Variants in MAGI2 observed in about 807,000 individuals in gnomAD.
The protein encoded by MAGI2 is membrane associated guanylate kinase, WW and PDZ domain containing 2, also known as membrane-associated guanylate kinase, WW and PDZ domain-containing protein 2.
A neutral mutation model predicts 133.3 loss-of-function variants in MAGI2; 35 were observed. That is an observed-to-expected ratio of 0.26 (90% CI 0.20 to 0.35). The LOEUF is 0.35. Among genes scored for constraint, MAGI2 ranks in the 10% least tolerant of loss-of-function variants. MAGI2 has a pLI of 1.00. For missense variants in MAGI2, 1,636 were observed against 1,863.4 expected (o/e 0.88, Z 2.25); for synonymous variants, 729 against 710.6 (o/e 1.03, Z -0.41).
intron 1 of MAGI2, among the ~76,000 whole-genome samples, chr7:79,253,583 C>G (rs1833481149): frequency 6.6e-6 from 1 of 151,996 alleles, no homozygotes; most frequent in South Asian, 2.1e-4. Flanking sequence ...GCCGAGGTTT[C>G]AGTGAGCCAA....
chr7:78,222,105 G>T (rs79859525), intron 10 of MAGI2, among the ~76,000 whole-genome samples: 1,603 of 152,082 alleles, frequency 0.011, 22 homozygotes, highest in African/African-American at 0.037. Flanking sequence ...ACATTCAGGA[G>T]AGATGAGAGG....
chr7:78,929,886 C>CA (rs1273418861), intron 2 of MAGI2, among the ~76,000 whole-genome samples: 3 of 152,030 alleles, frequency 2.0e-5, no homozygotes, highest in African/African-American at 7.2e-5. Flanking sequence ...ACCTTCTAAA[C>CA]ATATGCCTAC....
At chr7:78,614,726 T>C (rs1806883861) in intron 3 of MAGI2, 2 of 152,168 alleles carry the variant, frequency 1.3e-5, no homozygotes, top group South Asian at 2.1e-4. Context: ...TATAATAAAT[T>C]GTTTCCAAAT....
intron 1 of MAGI2, among the ~76,000 whole-genome samples, chr7:79,215,347 C>T (rs1185495521): frequency 6.6e-6 from 1 of 151,996 alleles, no homozygotes; most frequent in Non-Finnish European, 1.5e-5. Flanking sequence ...AGGGGGAAAT[C>T]TACATTTCAT....
At chr7:79,426,202 T>C (rs1198409648) in intron 1 of MAGI2, among the ~76,000 whole-genome samples, 2 of 152,170 alleles carry the variant, frequency 1.3e-5, no homozygotes, top group African/African-American at 4.8e-5. Flanking sequence ...ATTAGATTAA[T>C]TGAGCATTCA....
At chr7:78,946,900 A>C (rs1255477878) in intron 2 of MAGI2, 1 of 152,106 alleles carries the variant, frequency 6.6e-6, no homozygotes, top group Non-Finnish European at 1.5e-5. Flanking sequence ...GGATTCTAAA[A>C]ATCCATCTAG....
At chr7:78,907,801 A>G (rs150343185) in intron 2 of MAGI2, among the ~76,000 whole-genome samples, 93 of 152,276 alleles carry the variant, frequency 6.1e-4, no homozygotes, top group African/African-American at 2.1e-3. Flanking sequence ...TAATAAGCCA[A>G]AATGTTTCAG....
At chr7:78,060,255 T>C (rs544223259) in intron 21 of MAGI2, among the ~76,000 whole-genome samples, 1,803 of 43,844 alleles carry the variant, frequency 0.041, 37 homozygotes, top group African/African-American at 0.13. Context: ...CCCCCCCCCC[T>C]CTTTAGATTA....
At chr7:78,987,624 A>G (rs904632042) in intron 2 of MAGI2, among the ~76,000 whole-genome samples, 1 of 152,068 alleles carries the variant, frequency 6.6e-6, no homozygotes, top group African/African-American at 2.4e-5. Flanking sequence ...ACTATGGAAT[A>G]TTTATTTCAT....
At chr7:78,471,900 G>T (rs1434034007) in intron 6 of MAGI2, among the ~76,000 whole-genome samples, 2 of 151,812 alleles carry the variant, frequency 1.3e-5, no homozygotes, top group Non-Finnish European at 2.9e-5. Context: ...ACTCCAGCCT[G>T]GGCAACAGAG....
intron 1 of MAGI2, among the ~76,000 whole-genome samples, chr7:79,032,835 T>C (rs1429895339): frequency 7.6e-6 from 1 of 132,188 alleles, no homozygotes; most frequent in East Asian, 1.9e-4. Context: ...CTTTTAAACT[T>C]TTCTAAAATC....
chr7:78,352,245 G>A lies in MAGI2; in HGVS notation c.1104-6202C>T, dbSNP rs117989736. Reference sequence around the variant, plus strand: ...TAGTCTAGCAGGGGAGAGAAAACAGGGACAAAAAAGAATTATGATGCAAAA... The same window carrying A: ...TAGTCTAGCAGGGGAGAGAAAACAGAGACAAAAAAGAATTATGATGCAAAA... On this transcript the variant is annotated intron_variant, in intron 7 of 21. Coordinates refer to ENST00000354212, the MANE Select transcript of MAGI2 (RefSeq NM_012301.4). 7.5e-3 allele frequency among the ~76,000 whole-genome samples: 1,136 copies of A among 151,988 alleles called. 9 individuals carry two copies. Among genetic ancestry groups the A allele is most frequent in the Middle Eastern group, 0.017 (5 of 294 alleles).
At chr7:79,378,008 C>G (rs528951424) in intron 1 of MAGI2, among the ~76,000 whole-genome samples, 1 of 151,930 alleles carries the variant, frequency 6.6e-6, no homozygotes, top group Non-Finnish European at 1.5e-5. Flanking sequence ...CATGTTTTCA[C>G]AGATAATTAA....
chr7:79,100,435 G>T (rs945426917), intron 1 of MAGI2, among the ~76,000 whole-genome samples: 19 of 151,484 alleles, frequency 1.3e-4, no homozygotes, highest in Non-Finnish European at 2.2e-4. Context: ...ATATGTCATT[G>T]TTTCCATTCA....
At chr7:78,891,735 A>C (rs1455647526) in intron 2 of MAGI2, among the ~76,000 whole-genome samples, 1 of 152,246 alleles carries the variant, frequency 6.6e-6, no homozygotes, top group Non-Finnish European at 1.5e-5. Context: ...ATTTCAAAAT[A>C]ATAAGAGCTA....
chr7:79,307,215 G>C (rs1837897901), intron 1 of MAGI2, among the ~76,000 whole-genome samples: 1 of 152,122 alleles, frequency 6.6e-6, no homozygotes, highest in African/African-American at 2.4e-5. Flanking sequence ...AGGTGATTTT[G>C]AATGAATGCT....
intron 2 of MAGI2, among the ~76,000 whole-genome samples, chr7:78,799,793 C>T (rs114511994): frequency 2.0e-5 from 3 of 152,092 alleles, no homozygotes; most frequent in African/African-American, 4.8e-5. Context: ...GCCTTTCTTA[C>T]CTGAGTATTT....
intron 15 of MAGI2, among the ~76,000 whole-genome samples, chr7:78,161,667 TA>T (rs71515391): frequency 0.12 from 7,931 of 68,836 alleles, 153 homozygotes; most frequent in Middle Eastern, 0.19. Context: ...CATCGATACC[TA>T]AAAAAAAAAA....
chr7:78,602,282 C>T (rs1033988588), intron 3 of MAGI2, among the ~76,000 whole-genome samples: 3 of 152,080 alleles, frequency 2.0e-5, no homozygotes, highest in Admixed American at 1.3e-4. Context: ...ACCTCAGACT[C>T]CTGAGTAGCT....
Sources: gnomAD v4.1 joint callset for allele counts (sites outside exome capture counted in the v4.1 genomes callset) on GRCh38, gnomAD v4.1.1 for gene constraint, MANE v1.5 for transcripts, NCBI Gene and HGNC (gene_info 2026-07-23, HGNC 2026-07-21) for gene names.